PCDH7: variants seen among roughly 807,000 people sequenced by gnomAD.
PCDH7 encodes protocadherin 7.
PCDH7 carries 17 observed loss-of-function variants against 58.9 expected under a neutral mutation model. That is an observed-to-expected ratio of 0.29 (90% confidence interval 0.20 to 0.43). The LOEUF (loss-of-function observed/expected upper bound fraction) is 0.43. Among genes scored for constraint, PCDH7 ranks in the 20% least tolerant of loss-of-function variants. PCDH7 has a pLI of 1.00. For missense variants in PCDH7, 1,274 were observed against 1,441.0 expected (o/e 0.88, Z 1.88); for synonymous variants, 664 against 616.4 (o/e 1.08, Z -1.14).
At chr4:30,961,677 A>G (rs897173287) in intron 3 of PCDH7, among the ~76,000 whole-genome samples, 7 of 152,238 alleles carry the variant, frequency 4.6e-5, no homozygotes, top group Non-Finnish European at 1.5e-5. Context: ...TTTATTATTT[A>G]AAAATGCAAT....
At chr4:30,993,301 T>C (rs952861647) in intron 3 of PCDH7, among the ~76,000 whole-genome samples, 2 of 152,212 alleles carry the variant, frequency 1.3e-5, no homozygotes, top group African/African-American at 4.8e-5. Flanking sequence ...TGACAATTTT[T>C]TGAAGTAAAT....
chr4:31,045,810 T>C (rs1165027882), intron 3 of PCDH7, among the ~76,000 whole-genome samples: 1 of 151,952 alleles, frequency 6.6e-6, no homozygotes, highest in Non-Finnish European at 1.5e-5. Context: ...AGTTCTTTCA[T>C]TGCACTTGTA....
intron 3 of PCDH7, among the ~76,000 whole-genome samples, chr4:31,055,005 T>G (rs543047783): frequency 3.2e-4 from 48 of 152,302 alleles, no homozygotes; most frequent in Non-Finnish European, 1.5e-5. Flanking sequence ...TTCTTTTTTA[T>G]AGCATTACCT....
Position 31,119,024 on chromosome 4 carries a change from A to AT in PCDH7, c.*8-23439dup, listed in dbSNP as rs796633486. Among the ~76,000 whole-genome samples, 157 of 149,432 alleles carry AT rather than the reference A, an allele frequency of 1.1e-3. 1 individual carries two copies. The highest frequency in any genetic ancestry group is 3.0e-3 in the African/African-American group (124 of 40,838). On this transcript the variant is annotated intron_variant, in intron 3 of 3. Transcript: ENST00000509759. ...CAAGTCTTTGGTGTCATCAAACTAC[A>AT]TTTTTTTTTTCCTAATGCAGTTTTT...
intron 3 of PCDH7, among the ~76,000 whole-genome samples, chr4:31,129,843 G>A (rs543123339): frequency 2.0e-5 from 3 of 151,954 alleles, no homozygotes; most frequent in Admixed American, 1.3e-4. Context: ...GGCCAGGCTG[G>A]TCTCAAACTC....
At chr4:31,125,594 T>A (rs2109329571) in intron 3 of PCDH7, among the ~76,000 whole-genome samples, 1 of 152,346 alleles carries the variant, frequency 6.6e-6, no homozygotes, top group African/African-American at 2.4e-5. Flanking sequence ...TTTTGAATTT[T>A]TATCTTTTAT....
chr4:30,749,581 A>T lies in PCDH7; in HGVS notation c.70+24985A>T, dbSNP rs1560329185. On this transcript the variant is annotated intron_variant, in intron 1 of 3. Transcript: ENST00000509759. ...TCAGAATACATAATCTTTGAAAAGG[A>T]TTCCAATTGTCAATACAATATGCCT... Among the ~76,000 whole-genome samples the T allele has an allele frequency of 2.6e-5, 4 of 152,138 alleles. No homozygotes were observed. In the South Asian group the frequency reaches 8.3e-4, roughly 31 times the overall value.
intron 2 of PCDH7, among the ~76,000 whole-genome samples, chr4:30,935,939 A>G (rs1035687529): frequency 1.3e-5 from 2 of 152,120 alleles, no homozygotes; most frequent in African/African-American, 4.8e-5. Context: ...GAAGTAATCT[A>G]AAGGCACCAC....
intron 3 of PCDH7, among the ~76,000 whole-genome samples, chr4:31,113,545 T>C (rs188480127): frequency 6.6e-6 from 1 of 152,268 alleles, no homozygotes; most frequent in East Asian, 1.9e-4. Context: ...AAAACTGAGG[T>C]ATTTTATATG....
rs143571201 is a variant in PCDH7, at chr4:31,047,588, C to G, written c.*8-94885C>G. On this transcript the variant is annotated intron_variant, in intron 3 of 3. Coordinates refer to the PCDH7 transcript ENST00000509759. ...ACTCATTTGTATCTTAAGAGAAATA[C>G]AGTAGAGGCAAAGAGAGAAATTATT... 3.0e-4 allele frequency among the ~76,000 whole-genome samples: 45 copies of G among 152,116 alleles called. 2 individuals are homozygous for G. The highest frequency in any genetic ancestry group is 9.6e-4 in the African/African-American group (40 of 41,538).
In PCDH7 at chr4:30,853,247, T is replaced by C. The variant is rs894502586; in HGVS notation, c.71-66906T>C. On this transcript the variant is annotated intron_variant, in intron 1 of 3. Coordinates refer to the PCDH7 transcript ENST00000509759. ...GACCTTGTGGGAAACTAACTTTACC[T>C]AGTGTTAATTTATTCTCTAAAATGT... is the stretch of plus-strand genomic sequence containing the variant. Among the ~76,000 whole-genome samples the C allele has an allele frequency of 2.0e-5, 3 of 152,270 alleles. No homozygotes were observed. In the South Asian group the frequency reaches 6.2e-4, roughly 32 times the overall value.
intron 1 of PCDH7, among the ~76,000 whole-genome samples, chr4:30,759,900 G>T (rs1041979906): frequency 6.6e-6 from 1 of 152,006 alleles, no homozygotes; most frequent in East Asian, 1.9e-4. Context: ...CAAAACCCTA[G>T]GGTGATGTTT....
At chr4:30,913,556 C>T (rs940203216) in intron 1 of PCDH7, among the ~76,000 whole-genome samples, 2 of 152,104 alleles carry the variant, frequency 1.3e-5, no homozygotes, top group African/African-American at 4.8e-5. Flanking sequence ...TTCATGTCAT[C>T]TCTAAATCTG....
At chr4:30,775,693 G>A (rs918351784) in intron 1 of PCDH7, among the ~76,000 whole-genome samples, 2 of 151,992 alleles carry the variant, frequency 1.3e-5, no homozygotes, top group African/African-American at 2.4e-5. Context: ...GGATCACGAG[G>A]TCAGGAGTTT....
At chr4:30,857,507 G>T (rs985983141) in intron 1 of PCDH7, among the ~76,000 whole-genome samples, 2 of 152,048 alleles carry the variant, frequency 1.3e-5, no homozygotes, top group Non-Finnish European at 2.9e-5. Context: ...AATCTTACAA[G>T]ACTTTTTGTG....
At chr4:31,035,416 G>C (rs1228708135) in intron 3 of PCDH7, among the ~76,000 whole-genome samples, 1 of 151,990 alleles carries the variant, frequency 6.6e-6, no homozygotes, top group Non-Finnish European at 1.5e-5. Flanking sequence ...ACCACGCCCG[G>C]CTAATTTTTG....
At chr4:30,933,094 T>A (rs1744870502) in intron 2 of PCDH7, among the ~76,000 whole-genome samples, 1 of 151,764 alleles carries the variant, frequency 6.6e-6, no homozygotes, top group Non-Finnish European at 1.5e-5. Context: ...TGGCCTGATC[T>A]CGGCTCACTG....
chr4:30,933,688 T>C (rs183478482), intron 2 of PCDH7, among the ~76,000 whole-genome samples: 18 of 152,338 alleles, frequency 1.2e-4, no homozygotes. Context: ...CTATCAATTT[T>C]TTAGTTGTTT....
At chr4:31,137,237 G>C (rs1719709649) in intron 3 of PCDH7, among the ~76,000 whole-genome samples, 4 of 152,194 alleles carry the variant, frequency 2.6e-5, no homozygotes, top group Admixed American at 6.5e-5. Context: ...AAAGGAAAAA[G>C]TTCCTGCATG....
Sources: gnomAD v4.1 joint callset for allele counts (sites outside exome capture counted in the v4.1 genomes callset) on GRCh38, gnomAD v4.1.1 for gene constraint, MANE v1.5 for transcripts, NCBI Gene and HGNC (gene_info 2026-07-23, HGNC 2026-07-21) for gene names.